Variants in PEBP4 observed in about 807,000 individuals in gnomAD.
PEBP4 encodes phosphatidylethanolamine binding protein 4, also known as phosphatidylethanolamine-binding protein 4.
A neutral mutation model predicts 23.9 loss-of-function variants in PEBP4; 22 were observed. The ratio of observed to expected loss-of-function variants is 0.92; its 90% confidence interval spans 0.66 to 1.31. The LOEUF is 1.31. PEBP4 is among the 40% of genes most tolerant of loss of function. The pLI, the probability that PEBP4 is intolerant of heterozygous loss-of-function variation, is 0.00. For missense variants in PEBP4, 324 were observed against 281.7 expected (o/e 1.15, Z -1.07); for synonymous variants, 112 against 99.3 (o/e 1.13, Z -0.76).
intron 4 of PEBP4, among the ~76,000 whole-genome samples, chr8:22,812,286 C>T (rs1452669164): frequency 6.6e-6 from 1 of 152,146 alleles, no homozygotes; most frequent in East Asian, 1.9e-4. Context: ...ATTGGATTTC[C>T]CATTATCTTA....
intron 4 of PEBP4, chr8:22,757,191 C>T (rs1805401386): frequency 6.6e-6 from 1 of 152,214 alleles, no homozygotes; most frequent in Non-Finnish European, 1.5e-5. Context: ...GGATTATTCT[C>T]TTTTTATAGG....
intron 3 of PEBP4, among the ~76,000 whole-genome samples, chr8:22,911,471 C>T (rs1020033321): frequency 3.3e-5 from 5 of 152,170 alleles, no homozygotes; most frequent in African/African-American, 1.2e-4. Flanking sequence ...GAGCTCCACC[C>T]ACCTCCTTCT....
Position 22,927,710 on chromosome 8 carries a change from C to T in PEBP4, c.5G>A (p.Gly2Asp), listed in dbSNP as rs777017102. The stretch of plus-strand genomic sequence containing the variant: ...TGCTGTGACCAGCCTCATTGTCCAA[C>T]CCATGGGCACCTGGAACAGAAAGAA... M[G>D]WTMRLVTAAL... The change falls in exon 2 of 7, where the codon GGT becomes GAT. Residue 2 changes from glycine (G) to aspartate (D), a missense_variant. Coordinates refer to ENST00000256404, the MANE Select transcript of PEBP4 (RefSeq NM_144962.3). 6.2e-7 allele frequency: 1 copy of T among 1,613,568 alleles called. No homozygotes were observed. The highest frequency in any genetic ancestry group is 2.2e-5 in the East Asian group (1 of 44,846).
chr8:22,835,437 T>A (rs887936629), intron 3 of PEBP4, among the ~76,000 whole-genome samples: 2 of 152,142 alleles, frequency 1.3e-5, no homozygotes, highest in Non-Finnish European at 2.9e-5. Flanking sequence ...CTTCCTAGCA[T>A]CTTTGGTGGG....
intron 4 of PEBP4, among the ~76,000 whole-genome samples, chr8:22,741,300 C>T (rs765600238): frequency 6.6e-5 from 10 of 152,182 alleles, no homozygotes; most frequent in African/African-American, 2.4e-4. Flanking sequence ...TGCCTGCCTT[C>T]GTCAACCCAG....
intron 4 of PEBP4, among the ~76,000 whole-genome samples, chr8:22,728,722 C>T (rs1388651890): frequency 6.6e-6 from 1 of 151,884 alleles, no homozygotes; most frequent in African/African-American, 2.4e-5. Flanking sequence ...CTCAACTTCC[C>T]GAGTAGCTGG....
intron 4 of PEBP4, among the ~76,000 whole-genome samples, chr8:22,730,006 G>A (rs73671269): frequency 0.041 from 6,311 of 152,176 alleles, 289 homozygotes; most frequent in African/African-American, 0.1. Flanking sequence ...AATCCAGAAT[G>A]TTCAAGGAGG....
chr8:22,901,271 G>A (rs1227743810), intron 3 of PEBP4, among the ~76,000 whole-genome samples: 3 of 152,148 alleles, frequency 2.0e-5, no homozygotes, highest in South Asian at 2.1e-4. Flanking sequence ...GGAAGCAAGC[G>A]AAGACAGTGA....
intron 3 of PEBP4, among the ~76,000 whole-genome samples, chr8:22,821,361 G>A (rs1806853329): frequency 6.6e-6 from 1 of 152,202 alleles, no homozygotes; most frequent in Non-Finnish European, 1.5e-5. Context: ...AGAGACATGT[G>A]TACTGCAGAA....
intron 2 of PEBP4, among the ~76,000 whole-genome samples, chr8:22,920,988 G>C (rs567242522): frequency 1.8e-4 from 28 of 152,330 alleles, no homozygotes; most frequent in South Asian, 1.2e-3. Flanking sequence ...AGAAGGGCCC[G>C]AACAGCACCA....
At chr8:22,858,298 A>G (rs1218254475) in intron 3 of PEBP4, among the ~76,000 whole-genome samples, 1 of 152,224 alleles carries the variant, frequency 6.6e-6, no homozygotes, top group African/African-American at 2.4e-5. Context: ...AGCTGTTTTT[A>G]GCAACGTGGC....
At chr8:22,718,647 C>T (rs932067696) in intron 6 of PEBP4, among the ~76,000 whole-genome samples, 8 of 152,132 alleles carry the variant, frequency 5.3e-5, no homozygotes, top group African/African-American at 1.4e-4. Flanking sequence ...GGAGGAAGAG[C>T]GCCTCCTGCC....
intron 3 of PEBP4, among the ~76,000 whole-genome samples, chr8:22,895,142 T>C (rs113545033): frequency 0.011 from 1,707 of 152,292 alleles, 14 homozygotes; most frequent in African/African-American, 0.038. Context: ...TCATTTTCAA[T>C]TGGGCCATAT....
chr8:22,798,639 A>T (rs945947520), intron 4 of PEBP4: 7 of 152,136 alleles, frequency 4.6e-5, no homozygotes, highest in Admixed American at 4.6e-4. Flanking sequence ...CCTCTCGGGA[A>T]CCGTGAGTAA....
intron 1 of PEBP4, among the ~76,000 whole-genome samples, chr8:22,934,163 T>C (rs774102526): frequency 6.6e-6 from 1 of 152,134 alleles, no homozygotes; most frequent in Non-Finnish European, 1.5e-5. Context: ...CCACCTCCAA[T>C]ATTGGGGATC....
In PEBP4 at chr8:22,927,225, G is replaced by A. The variant is rs553424865; in HGVS notation, c.131+359C>T. On this transcript the variant is annotated intron_variant, in intron 2 of 6. Transcript: ENST00000256404. ...TGCCTCTTTGTTGGGGTTCTGGGGA[G>A]AGGGGGCATTCAGGCTGCAGGGAGG... Among the ~76,000 whole-genome samples, 6 of 152,224 alleles carry A rather than the reference G, an allele frequency of 3.9e-5. 1 individual carries two copies. The South Asian group carries it at 1.2e-3, about 32-fold the overall frequency.
chr8:22,755,522 G>T lies in PEBP4; in HGVS notation c.358-28302C>A, dbSNP rs187757825. ...AGCTAATTTTTGTATTTTTAGTAGA[G>T]ATGGGGTTCTACCATGTTGGCCAGT... On this transcript the variant is annotated intron_variant, in intron 4 of 6. Coordinates refer to ENST00000256404, the MANE Select transcript of PEBP4 (RefSeq NM_144962.3). Among the ~76,000 whole-genome samples, 9 of 152,054 alleles carry T rather than the reference G, an allele frequency of 5.9e-5. No individual in the cohort carries two copies. The East Asian group carries it at 1.5e-3, about 26-fold the overall frequency.
chr8:22,783,772 G>A (rs150286591), intron 4 of PEBP4, among the ~76,000 whole-genome samples: 163 of 152,304 alleles, frequency 1.1e-3, no homozygotes, highest in African/African-American at 3.8e-3. Flanking sequence ...AACTGGGACC[G>A]CAGACATATG....
intron 3 of PEBP4, among the ~76,000 whole-genome samples, chr8:22,893,732 T>C (rs921106439): frequency 1.3e-5 from 2 of 151,888 alleles, no homozygotes; most frequent in South Asian, 2.1e-4. Context: ...GACACAGCAA[T>C]AGAAACTATT....
Sources: allele counts gnomAD v4.1 joint callset (sites outside exome capture counted in the v4.1 genomes callset), GRCh38; gene constraint gnomAD v4.1.1; transcripts MANE v1.5; gene names NCBI Gene and HGNC (gene_info 2026-07-23, HGNC 2026-07-21).